ADAMTS20: variants seen among roughly 807,000 people sequenced by gnomAD.
ADAMTS20 encodes ADAM metallopeptidase with thrombospondin type 1 motif 20.
ADAMTS20 carries 225 observed loss-of-function variants against 260.1 expected under a neutral mutation model. The ratio of observed to expected loss-of-function variants is 0.87; its 90% CI spans 0.78 to 0.97. The LOEUF (loss-of-function observed/expected upper bound fraction) is 0.97, where lower values mean the gene tolerates loss of function less well. ADAMTS20 is among the 50% of genes least tolerant of loss of function. The pLI, the probability that ADAMTS20 is intolerant of heterozygous loss-of-function variation, is 0.00. For synonymous variants in ADAMTS20, 802 were observed against 769.5 expected (o/e 1.04, Z -0.70); for missense variants, 2,400 against 2,337.7 (o/e 1.03, Z -0.55).
At chr12:43,523,805 A>T (rs1565581546) in intron 3 of ADAMTS20, among the ~76,000 whole-genome samples, 1 of 152,000 alleles carries the variant, frequency 6.6e-6, no homozygotes, top group Non-Finnish European at 1.5e-5. Flanking sequence ...ACACTCAGAG[A>T]GTCAGAGCAA....
intron 11 of ADAMTS20, among the ~76,000 whole-genome samples, chr12:43,458,407 T>TCA (rs1170070618): frequency 6.6e-6 from 1 of 152,224 alleles, no homozygotes; most frequent in Non-Finnish European, 1.5e-5. Context: ...AAATCTTCCT[T>TCA]CAGTTACTTC....
At chr12:43,523,973 T>C (rs549754031) in intron 3 of ADAMTS20, among the ~76,000 whole-genome samples, 6 of 151,200 alleles carry the variant, frequency 4.0e-5, no homozygotes, top group Admixed American at 3.9e-4. Flanking sequence ...CTGGGTAACA[T>C]AAGGCAAGCA....
At chr12:43,442,941 T>G (rs1392907634) in intron 16 of ADAMTS20, among the ~76,000 whole-genome samples, 1 of 152,232 alleles carries the variant, frequency 6.6e-6, no homozygotes, top group Non-Finnish European at 1.5e-5. Context: ...CTTGTACTCA[T>G]TAAGCAGTTG....
chr12:43,446,618 C>T lies in ADAMTS20; in HGVS notation c.2174G>A (p.Gly725Asp). The T allele has an allele frequency of 2.5e-6, 4 of 1,612,834 alleles. No individual in the cohort carries two copies. The highest frequency in any genetic ancestry group is 1.1e-5 in the South Asian group (1 of 91,032). The change falls in exon 15 of 39, where the codon GGT becomes GAT. Residue 725 changes from glycine to aspartate, a missense_variant. Transcript: ENST00000389420. ...ACCATAATGAGAACTGTTGAAGACACCTGTTATTGTCTTGCATGAAGAGTT... is the reference window on the plus strand; with the variant it reads ...ACCATAATGAGAACTGTTGAAGACATCTGTTATTGTCTTGCATGAAGAGTT... ...GDNSSCKTITGVFNSSHYGYN... is the reference protein window; with the variant it reads ...GDNSSCKTITDVFNSSHYGYN...
At chr12:43,438,152 G>C (rs1405477407) in intron 18 of ADAMTS20, among the ~76,000 whole-genome samples, 1 of 152,166 alleles carries the variant, frequency 6.6e-6, no homozygotes, top group Non-Finnish European at 1.5e-5. Flanking sequence ...TTGTTTAAGA[G>C]AACTCTCCTG....
At chr12:43,459,738 A>G (rs991268791) in intron 11 of ADAMTS20, among the ~76,000 whole-genome samples, 3 of 152,226 alleles carry the variant, frequency 2.0e-5, no homozygotes, top group Non-Finnish European at 4.4e-5. Context: ...TCTCCATTAG[A>G]AAAAGTCATT....
chr12:43,485,583 G>A (rs564575590), intron 7 of ADAMTS20, among the ~76,000 whole-genome samples: 42 of 152,208 alleles, frequency 2.8e-4, no homozygotes, highest in African/African-American at 9.4e-4. Context: ...AATCAGGCAA[G>A]AGAAAGAAAT....
chr12:43,475,646 A>G (rs1389724982), intron 7 of ADAMTS20, among the ~76,000 whole-genome samples: 4 of 151,562 alleles, frequency 2.6e-5, no homozygotes, highest in Admixed American at 2.6e-4. Flanking sequence ...CAAAACAGAG[A>G]TATAGATCAA....
At position 43,452,513 on chromosome 12, in the gene ADAMTS20, C is replaced by A; in HGVS notation, c.1942+1G>T. The A allele has an allele frequency of 6.2e-7, 1 of 1,610,108 alleles. No homozygotes were observed. Among genetic ancestry groups the A allele is most frequent in the Non-Finnish European group, 8.5e-7 (1 of 1,177,332 alleles). On this transcript the variant is annotated splice_donor_variant, in intron 13 of 38. Transcript: ENST00000389420. LOFTEE classifies it high-confidence loss of function. The stretch of plus-strand genomic sequence containing the variant: ...TCAAAGAACCAGCATAATTTACTTA[C>A]TGCCACTGTATCTTGGAAGCCACCT...
At chr12:43,375,334 G>GT in intron 36 of ADAMTS20, 45 bp downstream of exon 36, 2 of 1,590,372 alleles carry the variant, frequency 1.3e-6, no homozygotes, top group Non-Finnish European at 1.7e-6. Flanking sequence ...ACGTTCATAA[G>GT]CAAATGGAGG....
intron 38 of ADAMTS20, 131 bp downstream of exon 38, chr12:43,356,353 T>A (rs946557503): frequency 2.1e-5 from 12 of 577,934 alleles, no homozygotes; most frequent in Middle Eastern, 3.3e-4. Flanking sequence ...TTATATGTAA[T>A]ATACCCATTA....
chr12:43,440,141 T>A, intron 16 of ADAMTS20, 72 bp from the exon 17 acceptor site: 78 of 121,170 alleles, frequency 6.4e-4, no homozygotes, highest in South Asian at 1.7e-3. Context: ...TTGTTTAACT[T>A]TTTTTTTTTT....
chr12:43,465,012 T>C (rs1489838601), intron 9 of ADAMTS20, among the ~76,000 whole-genome samples: 2 of 152,244 alleles, frequency 1.3e-5, no homozygotes, highest in East Asian at 1.9e-4. Context: ...TAAACACAAA[T>C]TCATCAGAAC....
rs58169338 is a variant in ADAMTS20 at position 43,375,172 on chromosome 12, C to CAAA, written c.5446+204_5446+206dup. ...GGGCAGTAAGAGTGCAACTGCGTCT[C>CAAA]AAAAAAAAAAAAAAAAAAAAAAAAG... On this transcript the variant is annotated intron_variant, in intron 36 of 38. Transcript: ENST00000389420. Among the ~76,000 whole-genome samples, 216 of 62,148 alleles carry CAAA rather than the reference C, an allele frequency of 3.5e-3. 3 individuals carry two copies. The highest frequency in any genetic ancestry group is 5.3e-3 in the East Asian group (10 of 1,904). 40.8% of individuals were successfully genotyped at this position (62,148 alleles called of 152,430 possible).
intron 2 of ADAMTS20, among the ~76,000 whole-genome samples, chr12:43,548,732 T>C (rs577073996): frequency 6.6e-6 from 1 of 152,148 alleles, no homozygotes; most frequent in South Asian, 2.1e-4. Context: ...AAAATGTAGA[T>C]CTTGATACCT....
At chr12:43,369,544 A>G (rs972974086) in intron 36 of ADAMTS20, among the ~76,000 whole-genome samples, 163 bp from the exon 37 acceptor site, 2 of 152,116 alleles carry the variant, frequency 1.3e-5, no homozygotes, top group Non-Finnish European at 2.9e-5. Flanking sequence ...ATCATAGAAT[A>G]AGCTCTCATT....
intron 5 of ADAMTS20, 142 bp from the exon 6 acceptor site, chr12:43,492,771 A>G: frequency 1.1e-6 from 1 of 906,326 alleles, no homozygotes; most frequent in Non-Finnish European, 1.6e-6. Flanking sequence ...TTCATATATT[A>G]ACTATAACGT....
intron 3 of ADAMTS20, among the ~76,000 whole-genome samples, chr12:43,520,758 G>C (rs780273287): frequency 2.0e-5 from 3 of 152,078 alleles, no homozygotes; most frequent in Admixed American, 2.0e-4. Context: ...GGGCATGGTC[G>C]TGGCCATATT....
At chr12:43,531,529 C>T (rs536966039) in intron 3 of ADAMTS20, among the ~76,000 whole-genome samples, 2 of 152,024 alleles carry the variant, frequency 1.3e-5, no homozygotes, top group African/African-American at 2.4e-5. Context: ...AGATCATGTC[C>T]TTCAATATTT....
Sources: allele counts gnomAD v4.1 joint callset (sites outside exome capture counted in the v4.1 genomes callset), GRCh38; gene constraint gnomAD v4.1.1; transcripts MANE v1.5; gene names NCBI Gene and HGNC (gene_info 2026-07-23, HGNC 2026-07-21).